The following TOP3A variants were observed in gnomAD, a reference collection of about 807,000 sequenced individuals.
TOP3A encodes DNA topoisomerase III alpha.
A neutral mutation model predicts 111.3 loss-of-function variants in TOP3A; 64 were observed. The ratio of observed to expected loss-of-function variants is 0.57; its 90% confidence interval spans 0.47 to 0.71. TOP3A has a LOEUF of 0.71. TOP3A is among the 30% of genes least tolerant of loss of function. The pLI, the probability that TOP3A is intolerant of heterozygous loss-of-function variation, is 0.00. For missense variants in TOP3A, 1,104 were observed against 1,285.0 expected (o/e 0.86, Z 2.15); for synonymous variants, 484 against 485.1 (o/e 1.00, Z 0.03).
At chr17:18,282,089 C>T (rs2142942738) in intron 16 of TOP3A, among the ~76,000 whole-genome samples, 1 of 152,298 alleles carries the variant, frequency 6.6e-6, no homozygotes, top group East Asian at 1.9e-4. Flanking sequence ...CTCCAACAAC[C>T]TGATGTGAAG....
At position 18,297,453 on chromosome 17, in the gene TOP3A, CCCACGGTCTCCGTCTCCCTCTCT is replaced by C. The variant is rs887319289; in HGVS notation, c.990+2083_990+2105del. ...CCCTGTCCCTGTCCCTCTCCCTCTC[CCCACGGTCTCCGTCTCCCTCTCT>C]CCACGGTCTCCCTCTGATGCCGAGC... On this transcript the variant is annotated intron_variant, in intron 9 of 18. Coordinates refer to ENST00000321105, the MANE Select transcript of TOP3A (RefSeq NM_004618.5). Among the ~76,000 whole-genome samples, 106 of 152,092 alleles carry C rather than the reference CCCACGGTCTCCGTCTCCCTCTCT, an allele frequency of 7.0e-4. 3 individuals carry two copies. The South Asian group carries it at 0.017, about 24-fold the overall frequency.
intron 9 of TOP3A, among the ~76,000 whole-genome samples, chr17:18,297,327 A>C (rs886869192): frequency 6.6e-6 from 1 of 152,220 alleles, no homozygotes; most frequent in African/African-American, 2.4e-5. Flanking sequence ...TGGGAGGCTG[A>C]GGCAGGAGAA....
At chr17:18,301,806 G>C in intron 8 of TOP3A, 79 bp downstream of exon 8, 1 of 1,229,592 alleles carries the variant, frequency 8.1e-7, no homozygotes, top group Non-Finnish European at 1.2e-6. Context: ...ATGGGAGAAT[G>C]AGACAGATCA....
Position 18,287,516 on chromosome 17 carries a change from ACT to A in TOP3A, c.1598-1998_1598-1997del, listed in dbSNP as rs1980177139. Among the ~76,000 whole-genome samples the A allele has an allele frequency of 2.0e-5, 3 of 151,756 alleles. No homozygotes were observed. In the South Asian group the frequency reaches 6.2e-4, roughly 32 times the overall value. On this transcript the variant is annotated intron_variant, in intron 13 of 18. Coordinates refer to ENST00000321105, the MANE Select transcript of TOP3A (RefSeq NM_004618.5). ...ACTCCAGCCTGGGTGACAGAGTAAG[ACT>A]CTGTCTCAAACAAAACAAAACAAAC... is the stretch of plus-strand genomic sequence containing the variant.
At chr17:18,294,283 T>C (rs1449400055) in intron 10 of TOP3A, among the ~76,000 whole-genome samples, 1 of 152,182 alleles carries the variant, frequency 6.6e-6, no homozygotes, top group South Asian at 2.1e-4. Context: ...TTGGGTGCTA[T>C]CTAGACAATC....
chr17:18,305,208 G>T lies in TOP3A; in HGVS notation c.403C>A (p.Arg135=), dbSNP rs200944917. 1.9e-6 allele frequency: 3 copies of T among 1,614,020 alleles called. No individual in the cohort carries two copies. Among genetic ancestry groups the T allele is most frequent in the East Asian group, 4.5e-5 (2 of 44,872 alleles). Residue 135 remains arginine (R), a synonymous_variant, in exon 5 of 19, where the codon CGA becomes AGA. Transcript: ENST00000321105. ...AGAGCCTGGCACTGGCGAGTCTCTC[G>T]TTCCAAAGTTTTCTTAAGTTCGCAG... ...NFVDIKKTLE[R]ETRQCQALVI...
chr17:18,301,898 T>C lies in TOP3A; in HGVS notation c.902A>G (p.Gln301Arg). 6.2e-7 allele frequency: 1 copy of C among 1,614,058 alleles called. No individual in the cohort carries two copies. Among genetic ancestry groups the C allele is most frequent in the Non-Finnish European group, 8.5e-7 (1 of 1,179,960 alleles). ...FNHTACLVLY[Q>R]LCVEDPMATV... ...AGGGGTTCTTACCTCCACACACAAC[T>C]GATAGAGAACTAGGCAAGCCGTGTG... is the stretch of plus-strand genomic sequence containing the variant. The change falls in exon 8 of 19, where the codon CAG becomes CGG. Residue 301 changes from glutamine to arginine, a missense_variant. By Grantham distance (43) the Gln-to-Arg change is conservative. Coordinates refer to ENST00000321105, the MANE Select transcript of TOP3A (RefSeq NM_004618.5).
At chr17:18,297,547 G>C (rs939850071) in intron 9 of TOP3A, among the ~76,000 whole-genome samples, 5 of 151,818 alleles carry the variant, frequency 3.3e-5, no homozygotes, top group Admixed American at 1.3e-4. Flanking sequence ...CTCAGCCTGC[G>C]GACTGCCTGC....
Position 18,302,562 on chromosome 17 carries a change from G to T in TOP3A, c.643+18C>A, listed in dbSNP as rs1266989916. 1.2e-6 allele frequency: 2 copies of T among 1,612,292 alleles called. No individual in the cohort carries two copies. The highest frequency in any genetic ancestry group is 4.5e-5 in the East Asian group (2 of 44,842). On this transcript the variant is annotated intron_variant, in intron 6 of 18. Transcript: ENST00000321105. ...CAACATTAATGTGGCCATGGGAGAGGTCTGCCTAGCTCCTCACCAATCCTC... is the reference window on the plus strand; with the variant it reads ...CAACATTAATGTGGCCATGGGAGAGTTCTGCCTAGCTCCTCACCAATCCTC...
At chr17:18,289,560 G>A (rs914602117) in intron 13 of TOP3A, among the ~76,000 whole-genome samples, 18 of 152,294 alleles carry the variant, frequency 1.2e-4, no homozygotes, top group African/African-American at 3.8e-4. Context: ...TTACAGGCGT[G>A]AGCCACTGCG....
rs781109911 is a variant in TOP3A, at chr17:18,292,735, T to C, written c.1191A>G (p.Leu397=). The change falls in exon 11 of 19, where the codon CTA becomes CTG. Residue 397 remains leucine (L), a synonymous_variant. Transcript: ENST00000321105. ...PRWGAFAQSI[L]ERGGPTPRNG... is the part of the protein sequence containing the mutation. ...TGCGTGGGGTGGGACCACCCCGCTCTAGAATGCTCTGGGCAAAGGCCCCCC... is the reference window on the plus strand; with the variant it reads ...TGCGTGGGGTGGGACCACCCCGCTCCAGAATGCTCTGGGCAAAGGCCCCCC... 1 of 1,613,218 alleles carries C rather than the reference T, an allele frequency of 6.2e-7. No individual in the cohort carries two copies. The highest frequency in any genetic ancestry group is 8.5e-7 in the Non-Finnish European group (1 of 1,179,416).
rs57776024 is a variant in TOP3A at position 18,305,517 on chromosome 17, G to A, written c.391-297C>T. Among the ~76,000 whole-genome samples the A allele has an allele frequency of 2.7e-3, 403 of 151,530 alleles. 2 individuals carry two copies. Among genetic ancestry groups the A allele is most frequent in the African/African-American group, 8.5e-3 (352 of 41,228 alleles). On this transcript the variant is annotated intron_variant, in intron 4 of 18. Coordinates refer to ENST00000321105, the MANE Select transcript of TOP3A (RefSeq NM_004618.5). ...GCGCGCGCGCGCGCACGCACACTTC[G>A]AGAGGTTCTGATTATGACCTAGTTA...
chr17:18,314,529 C>G, intron 1 of TOP3A, 70 bp downstream of exon 1: 2 of 1,480,052 alleles, frequency 1.4e-6, no homozygotes, highest in South Asian at 2.6e-5. Context: ...CGATTCTTGG[C>G]GCCCACCACG....
At chr17:18,286,384 C>T (rs905722934) in intron 13 of TOP3A, among the ~76,000 whole-genome samples, 16 of 150,772 alleles carry the variant, frequency 1.1e-4, no homozygotes, top group African/African-American at 3.4e-4. Context: ...GGTGTGGTGG[C>T]GGGCACCTGT....
At chr17:18,277,584 C>G (rs1404870026) in intron 18 of TOP3A, 91 bp downstream of exon 18, 25 of 1,463,176 alleles carry the variant, frequency 1.7e-5, no homozygotes, top group Non-Finnish European at 1.8e-5. Flanking sequence ...CCCACCATGA[C>G]CCTGCCTTGC....
At chr17:18,275,292 T>TC (rs1348293904) in intron 18 of TOP3A, among the ~76,000 whole-genome samples, 1 of 47,178 alleles carries the variant, frequency 2.1e-5, no homozygotes, top group Non-Finnish European at 3.3e-5. Context: ...AGACCCTGTC[T>TC]CAAAAAAAAA....
At chr17:18,292,360 T>G (rs1396960615) in intron 11 of TOP3A, among the ~76,000 whole-genome samples, 1 of 152,160 alleles carries the variant, frequency 6.6e-6, no homozygotes, top group Non-Finnish European at 1.5e-5. Context: ...GCCACAAGGC[T>G]CACAGTGGAG....
intron 9 of TOP3A, among the ~76,000 whole-genome samples, chr17:18,295,992 C>A (rs1980778063): frequency 6.6e-6 from 1 of 151,516 alleles, no homozygotes; most frequent in Admixed American, 6.6e-5. Context: ...TGGTCTCGAT[C>A]TCCTACCTCG....
intron 9 of TOP3A, among the ~76,000 whole-genome samples, chr17:18,297,762 T>C (rs1442044852): frequency 6.6e-6 from 1 of 152,014 alleles, no homozygotes; most frequent in Non-Finnish European, 1.5e-5. Context: ...TGGCGTGATC[T>C]CGGCTCGCTA....
Sources: gnomAD v4.1 joint callset for allele counts (sites outside exome capture counted in the v4.1 genomes callset) on GRCh38, gnomAD v4.1.1 for gene constraint, MANE v1.5 for transcripts, NCBI Gene and HGNC (gene_info 2026-07-23, HGNC 2026-07-21) for gene names.